The following KLHL13 variants were observed in gnomAD, a reference collection of about 807,000 sequenced individuals.
KLHL13 encodes the protein kelch-like protein 13.
A neutral mutation model predicts 37.1 loss-of-function variants in KLHL13; 10 were observed. That is an observed-to-expected ratio of 0.27 (90% CI 0.17 to 0.46). The LOEUF (loss-of-function observed/expected upper bound fraction) is 0.46. Ranked by LOEUF, KLHL13 falls within the 20% of genes least tolerant of loss-of-function variation. KLHL13 has a pLI of 1.00. For missense variants in KLHL13, 360 were observed against 509.3 expected, an observed-to-expected ratio of 0.71 and a Z score of 2.82; for synonymous variants, 163 against 181.2, an observed-to-expected ratio of 0.90 and a Z score of 0.81.
chrX:118,014,482 A>G (rs749683883), intron 1 of KLHL13, among the ~76,000 whole-genome samples: 1 of 112,136 alleles, frequency 8.9e-6, no homozygotes, highest in Non-Finnish European at 1.9e-5. Context: ...ATGCATGCAC[A>G]GCGGCACACA....
chrX:117,933,854 T>C lies in KLHL13; in HGVS notation c.240+11580A>G, dbSNP rs189020657. Among the ~76,000 whole-genome samples, 164 of 110,654 alleles carry C rather than the reference T, an allele frequency of 1.5e-3. 2 individuals carry two copies. Among genetic ancestry groups the C allele is most frequent in the African/African-American group, 5.2e-3 (159 of 30,595 alleles). The stretch of plus-strand genomic sequence containing the variant: ...ATTTATAACAGATAAAATGTATGAA[T>C]AGAAGAAGCTACTAACTCTGCTTGG... On this transcript the variant is annotated intron_variant, in intron 2 of 6. Transcript: ENST00000262820.
chrX:118,031,260 T>C (rs1279316270), intron 1 of KLHL13, among the ~76,000 whole-genome samples: 1 of 108,460 alleles, frequency 9.2e-6, no homozygotes, highest in African/African-American at 3.4e-5. Context: ...AAAAGTTAGT[T>C]TGAACCTTAC....
intron 1 of KLHL13, among the ~76,000 whole-genome samples, chrX:118,062,231 T>C (rs918858787): frequency 9.0e-6 from 1 of 111,190 alleles, no homozygotes; most frequent in African/African-American, 3.3e-5. Flanking sequence ...CTTATAAATA[T>C]GGCCCAAGTC....
intron 1 of KLHL13, among the ~76,000 whole-genome samples, chrX:118,013,609 C>T (rs1275248971): frequency 1.2e-4 from 13 of 111,394 alleles, no homozygotes; most frequent in Non-Finnish European, 3.8e-5. Flanking sequence ...ATGTGACAAA[C>T]AAAATGTACA....
At chrX:118,007,207 C>G (rs5955997) in intron 1 of KLHL13, among the ~76,000 whole-genome samples, 2 of 109,182 alleles carry the variant, frequency 1.8e-5, no homozygotes, top group Non-Finnish European at 3.8e-5. Flanking sequence ...GCCAGGAGTT[C>G]TAAGCCAGCC....
At chrX:118,051,957 T>C (rs2148073699) in intron 1 of KLHL13, among the ~76,000 whole-genome samples, 1 of 111,053 alleles carries the variant, frequency 9.0e-6, no homozygotes, top group East Asian at 2.8e-4. Context: ...TAAAATGTAG[T>C]AAAAAATATA....
At chrX:117,957,523 A>G in intron 1 of KLHL13, among the ~76,000 whole-genome samples, 1 of 112,380 alleles carries the variant, frequency 8.9e-6, no homozygotes, top group Non-Finnish European at 1.9e-5. Context: ...ATTCACAGCT[A>G]TGCATTTTTT....
intron 1 of KLHL13, among the ~76,000 whole-genome samples, chrX:118,000,586 CAACTT>C (rs1288063827): frequency 9.0e-6 from 1 of 111,187 alleles, no homozygotes; most frequent in East Asian, 2.8e-4. Flanking sequence ...ATAGGATACT[CAACTT>C]TATTTTACAA....
At chrX:117,936,764 C>T (rs763486777) in intron 2 of KLHL13, among the ~76,000 whole-genome samples, 1 of 111,454 alleles carries the variant, frequency 9.0e-6, no homozygotes, top group Admixed American at 9.6e-5. Flanking sequence ...CCCATAACTT[C>T]TGATCAGCTC....
intron 1 of KLHL13, among the ~76,000 whole-genome samples, chrX:118,044,663 C>T (rs1183657947): frequency 2.7e-5 from 3 of 111,789 alleles, no homozygotes; most frequent in Admixed American, 9.5e-5. Context: ...ATAAATCATG[C>T]TGAGAAAACT....
chrX:118,070,890 A>G (rs772747966), intron 1 of KLHL13, among the ~76,000 whole-genome samples: 3 of 108,736 alleles, frequency 2.8e-5, no homozygotes, highest in African/African-American at 1.0e-4. Context: ...ATATCCCCCA[A>G]TGCTATCCCT....
intron 1 of KLHL13, among the ~76,000 whole-genome samples, chrX:118,064,163 T>C (rs2054771464): frequency 8.9e-6 from 1 of 111,975 alleles, no homozygotes; most frequent in Admixed American, 9.5e-5. Flanking sequence ...ATGTAACTAT[T>C]ACATAAAGCA....
intron 1 of KLHL13, among the ~76,000 whole-genome samples, chrX:118,065,218 G>GT (rs1262134832): frequency 1.2e-4 from 13 of 111,542 alleles, no homozygotes; most frequent in African/African-American, 3.6e-4. Context: ...TTCTAGTTTT[G>GT]TAATCCTTAA....
rs758143501 is a variant in KLHL13, at chrX:118,104,652, A to T, written c.-56+11856T>A. 2.7e-5 allele frequency among the ~76,000 whole-genome samples: 3 copies of T among 112,152 alleles called. No homozygotes were observed. In the South Asian group the frequency reaches 1.1e-3, roughly 42 times the overall value. On this transcript the variant is annotated intron_variant, in intron 1 of 6. Transcript: ENST00000371882. Reference sequence around the variant, plus strand: ...GAGCTCTACAGCAATTTGGAGCTAGACTGCAGAAAAACAGCATGAGGTCTG... The same window carrying T: ...GAGCTCTACAGCAATTTGGAGCTAGTCTGCAGAAAAACAGCATGAGGTCTG...
At chrX:117,928,178 G>T (rs1048111388) in intron 2 of KLHL13, among the ~76,000 whole-genome samples, 2 of 111,629 alleles carry the variant, frequency 1.8e-5, no homozygotes, top group African/African-American at 6.5e-5. Context: ...TTTAATAGCA[G>T]AGTTTCAAAA....
At chrX:118,031,552 A>C (rs867775014) in intron 1 of KLHL13, among the ~76,000 whole-genome samples, 29 of 87,214 alleles carry the variant, frequency 3.3e-4, no homozygotes, top group African/African-American at 1.0e-3. Flanking sequence ...AGTTATATAT[A>C]TATTTAGTTA....
At chrX:117,922,557 G>A (rs1931772324) in intron 2 of KLHL13, among the ~76,000 whole-genome samples, 1 of 111,784 alleles carries the variant, frequency 8.9e-6, no homozygotes, top group Admixed American at 9.5e-5. Flanking sequence ...AAGTTAACTG[G>A]AAACCAGGAA....
rs758197897 is a variant in KLHL13, at chrX:118,096,782, A to C, written c.-56+19726T>G. Reference sequence around the variant, plus strand: ...TGCAAGGCTGGTTCAATATACGCAAATCAATAAACGTAATCCAGCATATAA... The same window carrying C: ...TGCAAGGCTGGTTCAATATACGCAACTCAATAAACGTAATCCAGCATATAA... On this transcript the variant is annotated intron_variant, in intron 1 of 6. Coordinates refer to the KLHL13 transcript ENST00000371882. 2.1e-4 allele frequency among the ~76,000 whole-genome samples: 23 copies of C among 112,030 alleles called. No homozygotes were observed. In the South Asian group the frequency reaches 8.3e-3, roughly 40 times the overall value.
intron 1 of KLHL13, among the ~76,000 whole-genome samples, chrX:118,095,648 T>C (rs1234427849): frequency 9.0e-6 from 1 of 111,164 alleles, no homozygotes; most frequent in Non-Finnish European, 1.9e-5. Context: ...GAAGTAAAGC[T>C]CTCCTCAGCA....
Sources: gnomAD v4.1 joint callset for allele counts (sites outside exome capture counted in the v4.1 genomes callset) on GRCh38, gnomAD v4.1.1 for gene constraint, MANE v1.5 for transcripts, NCBI Gene and HGNC (gene_info 2026-07-23, HGNC 2026-07-21) for gene names.